The following ARMC3 variants were observed in gnomAD, a reference collection of about 807,000 sequenced individuals.
ARMC3 encodes armadillo repeat containing 3, also known as armadillo repeat-containing protein 3.
In ARMC3, 74 loss-of-function variants were observed where a neutral mutation model predicts 90.3. The observed-to-expected ratio is 0.82, with a 90% confidence interval of 0.68 to 0.99. The LOEUF is 0.99. Among genes scored for constraint, ARMC3 ranks in the 50% least tolerant of loss-of-function variants. The pLI is 0.00. For missense variants in ARMC3, 958 were observed against 1,042.8 expected (o/e 0.92, Z 1.12); for synonymous variants, 334 against 361.8 (o/e 0.92, Z 0.87).
At chr10:22,963,887 T>TCACACACACACA (rs1218675914) in intron 7 of ARMC3, among the ~76,000 whole-genome samples, 1 of 33,862 alleles carries the variant, frequency 3.0e-5, no homozygotes, top group African/African-American at 1.4e-4. Context: ...AGACTCTGTC[T>TCACACACACACA]CACACACACA....
chr10:23,030,497 G>A (rs1412678948), intron 16 of ARMC3, 99 bp from the exon 17 acceptor site: 1 of 1,498,350 alleles, frequency 6.7e-7, no homozygotes, highest in Non-Finnish European at 8.9e-7. Flanking sequence ...AGGGTTCACT[G>A]TACCTTTTTT....
Position 23,037,323 on chromosome 10 carries a change from T to C in ARMC3, c.2463T>C (p.Gly821=). The C allele has an allele frequency of 1.9e-6, 3 of 1,613,762 alleles. No individual in the cohort carries two copies. Among genetic ancestry groups the C allele is most frequent in the South Asian group, 2.2e-5 (2 of 90,986 alleles). ...IGCSLVRGEY[G]RAWNEVMLQN... ...GCTCCCTAGTTCGCGGAGAGTACGGTAGAGCGTGGAATGAAGTCATGCTGC... is the reference window on the plus strand; with the variant it reads ...GCTCCCTAGTTCGCGGAGAGTACGGCAGAGCGTGGAATGAAGTCATGCTGC... The change falls in exon 19 of 19, where the codon GGT becomes GGC. Residue 821 remains glycine (G), a synonymous_variant. Transcript: ENST00000298032.
chr10:22,989,175 CTAAGA>C (rs1224129732), intron 10 of ARMC3, among the ~76,000 whole-genome samples: 1 of 152,172 alleles, frequency 6.6e-6, no homozygotes, highest in Non-Finnish European at 1.5e-5. Context: ...TCCAGTGTAT[CTAAGA>C]TAATATTTCC....
intron 8 of ARMC3, among the ~76,000 whole-genome samples, chr10:22,977,211 T>G (rs529373648): frequency 6.6e-6 from 1 of 152,198 alleles, no homozygotes; most frequent in Admixed American, 6.5e-5. Context: ...ATTTTCAAGG[T>G]GTCAATAAAA....
rs751729830 is a variant in ARMC3 at position 22,946,158 on chromosome 10, G to A, written c.63G>A (p.Met21Ile). The A allele has an allele frequency of 2.4e-5, 38 of 1,609,574 alleles. No individual in the cohort carries two copies. The highest frequency in any genetic ancestry group is 2.4e-5 in the Non-Finnish European group (28 of 1,178,182). The change falls in exon 3 of 19, where the codon ATG (methionine) becomes ATA (isoleucine). Residue 21 changes from methionine to isoleucine, a missense_variant. Met to Ile is a conservative substitution (Grantham distance 10). Coordinates refer to ENST00000298032, the MANE Select transcript of ARMC3 (RefSeq NM_173081.5). The stretch of plus-strand genomic sequence containing the variant: ...CTGCCTTTCAGTTTGACCCATTAAT[G>A]ATTGAAAGCAAAAAAGCAGCAACTG... The part of the protein sequence containing the change: ...PPPKDVFDPL[M>I]IESKKAATVV...
chr10:22,980,946 C>T (rs1430166293), intron 8 of ARMC3, among the ~76,000 whole-genome samples: 2 of 152,170 alleles, frequency 1.3e-5, no homozygotes, highest in Non-Finnish European at 2.9e-5. Flanking sequence ...AGGCATTCTT[C>T]CAATATTGGG....
chr10:22,993,016 G>A (rs189747706), intron 10 of ARMC3, among the ~76,000 whole-genome samples: 139 of 152,190 alleles, frequency 9.1e-4, no homozygotes, highest in African/African-American at 3.3e-3. Flanking sequence ...AAGTCATGCT[G>A]GTGGGAATGG....
At chr10:22,954,590 T>C (rs1834854923) in intron 3 of ARMC3, among the ~76,000 whole-genome samples, 1 of 150,546 alleles carries the variant, frequency 6.6e-6, no homozygotes. Flanking sequence ...GAGAATCGCT[T>C]GAGCCGAGGA....
chr10:22,987,247 T>C (rs1427189360), intron 10 of ARMC3, among the ~76,000 whole-genome samples: 1 of 152,180 alleles, frequency 6.6e-6, no homozygotes, highest in Non-Finnish European at 1.5e-5. Context: ...CATATCAAAG[T>C]TCCATATTAT....
intron 4 of ARMC3, 45 bp from the exon 5 acceptor site, chr10:22,959,022 CTAT>C (rs762790410): frequency 2.3e-5 from 33 of 1,438,758 alleles, no homozygotes; most frequent in Admixed American, 3.4e-5. Flanking sequence ...CACACCCGGC[CTAT>C]TATTATTATT....
At chr10:23,015,833 C>A (rs1028133608) in intron 16 of ARMC3, among the ~76,000 whole-genome samples, 4 of 152,160 alleles carry the variant, frequency 2.6e-5, no homozygotes. Flanking sequence ...CACATGTAAA[C>A]ACCTTCTTAC....
intron 10 of ARMC3, 127 bp from the exon 11 acceptor site, chr10:22,998,021 A>G (rs1054558622): frequency 5.1e-6 from 6 of 1,181,476 alleles, no homozygotes; most frequent in Non-Finnish European, 4.6e-6. Flanking sequence ...GGTTCATTGC[A>G]TGGCAAATTA....
chr10:22,955,731 A>G, intron 3 of ARMC3, 76 bp from the exon 4 acceptor site: 2 of 1,530,044 alleles, frequency 1.3e-6, no homozygotes, highest in Non-Finnish European at 1.8e-6. Context: ...CAAATAAGAA[A>G]TTGGAATGGC....
At chr10:22,975,756 A>C (rs1835894367) in intron 8 of ARMC3, among the ~76,000 whole-genome samples, 1 of 152,056 alleles carries the variant, frequency 6.6e-6, no homozygotes, top group African/African-American at 2.4e-5. Flanking sequence ...AAGCCTTTTG[A>C]TCTCCAGAGT....
rs1431100608 is a variant in ARMC3, at chr10:23,010,865, CT to C, written c.2045+1935del. Among the ~76,000 whole-genome samples, 695 of 79,140 alleles carry C rather than the reference CT, an allele frequency of 8.8e-3. 12 individuals are homozygous for C. Among genetic ancestry groups the C allele is most frequent in the African/African-American group, 0.02 (477 of 24,006 alleles). The allele number at this position is 79,140 out of a possible 152,430, so 51.9% of individuals were successfully genotyped here. On this transcript the variant is annotated intron_variant, in intron 16 of 18. Transcript: ENST00000298032. ...CTTGCCTCTCCTCTCCTTCCCTTGC[CT>C]CTCCTCTCCTTCCCTTTCCCTCCCA... is the stretch of plus-strand genomic sequence containing the variant.
In ARMC3 at chr10:22,954,694, A is replaced by G. The variant is rs989282376; in HGVS notation, c.167-1113A>G. ...CTCAAGAAAAAAAAAAAAAAGAAAA[A>G]AGAAAAGAAAAATGGGAAGTAGAGT... is the stretch of plus-strand genomic sequence containing the variant. On this transcript the variant is annotated intron_variant, in intron 3 of 18. Transcript: ENST00000298032. Among the ~76,000 whole-genome samples the G allele has an allele frequency of 4.6e-5, 7 of 151,838 alleles. No homozygotes were observed. The East Asian group carries it at 1.4e-3, about 29-fold the overall frequency.
rs935988752 is a variant in ARMC3 at position 22,998,228 on chromosome 10, C to G, written c.1256C>G (p.Ala419Gly). ...CGAGATGGAGCCATTGCCAACGCTG[C>G]TACAGTATTAACAAACATGGCCATG... ...SKRDGAIANA[A>G]TVLTNMAMQE... Residue 419 changes from alanine (A) to glycine (G), a missense_variant, in exon 11 of 19, where the codon GCT becomes GGT. Transcript: ENST00000298032. The G allele has an allele frequency of 2.5e-6, 4 of 1,613,122 alleles. No homozygotes were observed. In the Admixed American group the frequency reaches 5.0e-5, roughly 20 times the overall value.
At chr10:22,936,716 CTATCATT>C (rs1340694409) in intron 2 of ARMC3, among the ~76,000 whole-genome samples, 1 of 152,092 alleles carries the variant, frequency 6.6e-6, no homozygotes. Flanking sequence ...TCTGTTATAG[CTATCATT>C]TATTCTCAGT....
At chr10:22,940,515 C>G (rs1283062435) in intron 2 of ARMC3, among the ~76,000 whole-genome samples, 1 of 152,154 alleles carries the variant, frequency 6.6e-6, no homozygotes, top group Non-Finnish European at 1.5e-5. Context: ...GAGACAGGGT[C>G]TCACTCTTTT....
Sources: allele counts gnomAD v4.1 joint callset (sites outside exome capture counted in the v4.1 genomes callset), GRCh38; gene constraint gnomAD v4.1.1; transcripts MANE v1.5; gene names NCBI Gene and HGNC (gene_info 2026-07-23, HGNC 2026-07-21).